Variants in COG5 observed in about 807,000 individuals in gnomAD.
COG5 encodes the protein conserved oligomeric Golgi complex subunit 5.
COG5 carries 86 observed loss-of-function variants against 110.4 expected under a neutral mutation model. The observed-to-expected ratio is 0.78, with a 90% confidence interval of 0.65 to 0.93. The LOEUF is 0.93. COG5 is among the 40% of genes least tolerant of loss of function. The probability of loss-of-function intolerance (pLI) is 0.00; values close to 1 mark genes in which losing one functional copy is unlikely to be tolerated. For missense variants in COG5, 1,077 were observed against 987.0 expected, an observed-to-expected ratio of 1.09 and a Z score of -1.22; for synonymous variants, 360 against 334.6, an observed-to-expected ratio of 1.08 and a Z score of -0.83.
chr7:107,402,108 A>G (rs910781220), intron 7 of COG5, among the ~76,000 whole-genome samples: 2 of 152,154 alleles, frequency 1.3e-5, no homozygotes, highest in Non-Finnish European at 2.9e-5. Flanking sequence ...TCAATTCTAC[A>G]TTATTTTCTT....
chr7:107,507,555 C>T (rs1378411580), intron 6 of COG5, among the ~76,000 whole-genome samples: 5 of 151,450 alleles, frequency 3.3e-5, no homozygotes, highest in African/African-American at 4.9e-5. Context: ...GATCCACCCG[C>T]CTCAGCCTCC....
Position 107,201,423 on chromosome 7 carries a change from CA to C in COG5, c.*2092del. On this transcript the variant is annotated 3_prime_UTR_variant, in exon 22 of 22. Coordinates refer to ENST00000297135, the MANE Select transcript of COG5 (RefSeq NM_006348.5). ...AATTTTATTTCCACAGGGCTCACAACAACATTAAACCAGGATGCTTATGTTC... is the reference window on the plus strand; with the variant it reads ...AATTTTATTTCCACAGGGCTCACAACACATTAAACCAGGATGCTTATGTTC... The C allele has an allele frequency of 6.3e-7, 1 of 1,575,644 alleles. No homozygotes were observed. The highest frequency in any genetic ancestry group is 8.7e-7 in the Non-Finnish European group (1 of 1,146,100).
At chr7:107,395,758 T>G (rs888972688) in intron 7 of COG5, among the ~76,000 whole-genome samples, 1 of 152,006 alleles carries the variant, frequency 6.6e-6, no homozygotes, top group Non-Finnish European at 1.5e-5. Context: ...TTTTTCTATG[T>G]TGATCAGGCT....
chr7:107,262,161 G>C (rs1213672834), intron 14 of COG5, among the ~76,000 whole-genome samples: 2 of 152,128 alleles, frequency 1.3e-5, no homozygotes, highest in East Asian at 1.9e-4. Flanking sequence ...AACATGCTGG[G>C]ATTACAGGCA....
At chr7:107,539,383 T>G (rs552455962) in intron 5 of COG5, among the ~76,000 whole-genome samples, 1 of 152,354 alleles carries the variant, frequency 6.6e-6, no homozygotes, top group South Asian at 2.1e-4. Context: ...AAGAACTTAC[T>G]GTACTGACAT....
intron 12 of COG5, among the ~76,000 whole-genome samples, chr7:107,286,105 A>G (rs1805606563): frequency 6.6e-6 from 1 of 152,078 alleles, no homozygotes; most frequent in South Asian, 2.1e-4. Context: ...AGAGGGAGCT[A>G]ATTGTGTAGA....
chr7:107,283,828 C>A, intron 12 of COG5, 96 bp from the exon 13 acceptor site: 1 of 844,308 alleles, frequency 1.2e-6, no homozygotes, highest in East Asian at 2.4e-5. Context: ...AATGCACCTC[C>A]CATAAAAATG....
At chr7:107,430,247 T>C (rs769209896) in intron 6 of COG5, among the ~76,000 whole-genome samples, 11 of 152,226 alleles carry the variant, frequency 7.2e-5, no homozygotes, top group Non-Finnish European at 1.2e-4. Flanking sequence ...ATATGATACA[T>C]TTTTAGTTCC....
At chr7:107,220,723 C>T (rs568928569) in intron 19 of COG5, among the ~76,000 whole-genome samples, 2 of 152,148 alleles carry the variant, frequency 1.3e-5, no homozygotes, top group African/African-American at 4.8e-5. Context: ...GAAGTCCCTC[C>T]ACCGGGTCAC....
chr7:107,382,366 G>T (rs970802817), intron 7 of COG5, among the ~76,000 whole-genome samples: 1 of 152,164 alleles, frequency 6.6e-6, no homozygotes, highest in Non-Finnish European at 1.5e-5. Context: ...GGCCTATGTA[G>T]AAATAATTAT....
rs1584570434 is a variant in COG5 at position 107,248,510 on chromosome 7, AAAAG to A, written c.1750-15_1750-12del. 4 of 1,564,502 alleles carry A rather than the reference AAAAG, an allele frequency of 2.6e-6. No individual in the cohort carries two copies. The highest frequency in any genetic ancestry group is 3.5e-6 in the Non-Finnish European group (4 of 1,142,638). ...AAGAGCATGAATAGCCTAAAAAAAA[AAAAG>A]AAAGAAAAAAAAGAAGAGGCAAGAT... On this transcript the variant is annotated splice_polypyrimidine_tract_variant and intron_variant, in intron 16 of 21. Transcript: ENST00000297135.
intron 8 of COG5, among the ~76,000 whole-genome samples, chr7:107,369,482 G>A (rs1480301818): frequency 2.0e-5 from 3 of 150,044 alleles, no homozygotes; most frequent in Non-Finnish European, 4.4e-5. Flanking sequence ...TCCCTCCCAG[G>A]TTCAAGCGAT....
chr7:107,217,250 A>T (rs1584532186), intron 19 of COG5, among the ~76,000 whole-genome samples: 1 of 152,286 alleles, frequency 6.6e-6, no homozygotes, highest in South Asian at 2.1e-4. Context: ...GATCCATAAT[A>T]AAAAGTCTCC....
At chr7:107,377,854 G>T (rs942172109) in intron 7 of COG5, among the ~76,000 whole-genome samples, 1 of 152,212 alleles carries the variant, frequency 6.6e-6, no homozygotes, top group Non-Finnish European at 1.5e-5. Context: ...GGGGGAAGGG[G>T]TGGCTGTGGG....
intron 21 of COG5, chr7:107,209,986 T>C: frequency 1.0e-6 from 1 of 990,844 alleles, no homozygotes; most frequent in Non-Finnish European, 1.2e-6. Context: ...CTGGGCATGG[T>C]TGGGGTACAT....
At chr7:107,529,638 G>A (rs1006341454) in intron 5 of COG5, among the ~76,000 whole-genome samples, 24 of 152,200 alleles carry the variant, frequency 1.6e-4, no homozygotes, top group African/African-American at 5.5e-4. Context: ...CTTGGGAAAG[G>A]AGCCAGGCTA....
intron 6 of COG5, among the ~76,000 whole-genome samples, chr7:107,479,084 T>C (rs1379425605): frequency 2.0e-5 from 3 of 152,036 alleles, no homozygotes; most frequent in Non-Finnish European, 4.4e-5. Flanking sequence ...TTAAAAAGTA[T>C]GGCATTACCT....
intron 11 of COG5, among the ~76,000 whole-genome samples, chr7:107,299,390 G>A (rs1807045671): frequency 6.6e-6 from 1 of 151,964 alleles, no homozygotes; most frequent in East Asian, 1.9e-4. Flanking sequence ...GGTAATAAAG[G>A]AATTATGAAC....
chr7:107,349,324 G>A (rs1811919022), intron 10 of COG5, among the ~76,000 whole-genome samples: 1 of 152,064 alleles, frequency 6.6e-6, no homozygotes, highest in African/African-American at 2.4e-5. Context: ...CTAGAACAAT[G>A]TTAAACAGAA....
Sources: allele counts gnomAD v4.1 joint callset (sites outside exome capture counted in the v4.1 genomes callset), GRCh38; gene constraint gnomAD v4.1.1; transcripts MANE v1.5; gene names NCBI Gene and HGNC (gene_info 2026-07-23, HGNC 2026-07-21).